The following TMEM114 variants were observed in gnomAD, a reference collection of about 807,000 sequenced individuals.
TMEM114 encodes transmembrane protein 114, also known as claudin-26.
TMEM114 carries 6 observed loss-of-function variants against 6.2 expected under a neutral mutation model. The ratio of observed to expected loss-of-function variants is 0.97; its 90% CI spans 0.53 to 1.91. TMEM114 has a LOEUF of 1.91. TMEM114 is among the 40% of genes most tolerant of loss of function. The probability of loss-of-function intolerance (pLI) is 0.01; values close to 1 mark genes in which losing one functional copy is unlikely to be tolerated. For missense variants in TMEM114, 218 were observed against 158.3 expected (o/e 1.38, Z -2.02); for synonymous variants, 104 against 73.0 (o/e 1.42, Z -2.16).
downstream of TMEM114, among the ~76,000 whole-genome samples, chr16:8,535,384 A>G (rs1900325652): frequency 6.6e-6 from 1 of 152,068 alleles, no homozygotes; most frequent in African/African-American, 2.4e-5. Context: ...ATCTCCAGGA[A>G]CCAGGGTACA....
chr16:8,575,307 G>A (rs1468409894), intron 2 of TMEM114, among the ~76,000 whole-genome samples: 1 of 152,170 alleles, frequency 6.6e-6, no homozygotes, highest in Non-Finnish European at 1.5e-5. Context: ...AGTGTCTGCT[G>A]TGAGTCTAGC....
At chr16:8,538,547 G>C (rs371855785) in intron 2 of TMEM114, among the ~76,000 whole-genome samples, 1 of 151,660 alleles carries the variant, frequency 6.6e-6, no homozygotes, top group Admixed American at 6.6e-5. Flanking sequence ...TTGCTCTGTC[G>C]CCCAGGCTGG....
chr16:8,535,719 C>T (rs1900336779), downstream of TMEM114, among the ~76,000 whole-genome samples: 2 of 152,262 alleles, frequency 1.3e-5, no homozygotes, highest in East Asian at 1.9e-4. Flanking sequence ...ATTTTGGTTC[C>T]TGCATAATTC....
intron 2 of TMEM114, among the ~76,000 whole-genome samples, chr16:8,546,782 C>G (rs1246933186): frequency 6.6e-6 from 1 of 152,224 alleles, no homozygotes; most frequent in Non-Finnish European, 1.5e-5. Flanking sequence ...CACACCAAGT[C>G]TTCTTTTTCT....
chr16:8,561,876 G>GCGAA (rs1454468877), intron 2 of TMEM114, among the ~76,000 whole-genome samples: 10 of 86,478 alleles, frequency 1.2e-4, no homozygotes, highest in African/African-American at 3.3e-4. Context: ...GAATGAGTGA[G>GCGAA]TGAATGAGTG....
downstream of TMEM114, among the ~76,000 whole-genome samples, chr16:8,535,401 C>A (rs1900326329): frequency 6.6e-6 from 1 of 151,760 alleles, no homozygotes. Context: ...TACAGAGCTT[C>A]ATCGGGATTT....
intron 2 of TMEM114, among the ~76,000 whole-genome samples, chr16:8,543,752 T>G (rs1273290216): frequency 6.6e-6 from 1 of 152,208 alleles, no homozygotes; most frequent in East Asian, 1.9e-4. Context: ...AGAATGTGAA[T>G]GTATCATTCA....
At chr16:8,566,690 A>G (rs999837221), downstream of TMEM114, among the ~76,000 whole-genome samples, 2 of 151,450 alleles carry the variant, frequency 1.3e-5, no homozygotes, top group African/African-American at 2.4e-5. Context: ...CTCTCCATCA[A>G]CCCTCCCTCT....
intron 2 of TMEM114, among the ~76,000 whole-genome samples, chr16:8,548,442 A>G (rs1181512592): frequency 3.3e-5 from 5 of 152,076 alleles, no homozygotes; most frequent in African/African-American, 1.2e-4. Context: ...ACAACCTTTT[A>G]TTATTATTAC....
downstream of TMEM114, among the ~76,000 whole-genome samples, chr16:8,568,622 G>A (rs1055805635): frequency 9.2e-5 from 14 of 152,214 alleles, no homozygotes; most frequent in African/African-American, 3.4e-4. Flanking sequence ...TGATAATCGT[G>A]TTGTCATCTT....
chr16:8,567,577 A>G (rs933182458), downstream of TMEM114, among the ~76,000 whole-genome samples: 1 of 152,160 alleles, frequency 6.6e-6, no homozygotes, highest in African/African-American at 2.4e-5. Flanking sequence ...TGCGAGGAGC[A>G]TCCCTGGCCT....
At chr16:8,561,856 G>GTGAGTGAATGAA (rs1901219964) in intron 2 of TMEM114, among the ~76,000 whole-genome samples, 1 of 27,068 alleles carries the variant, frequency 3.7e-5, no homozygotes, top group Admixed American at 3.7e-4. Flanking sequence ...GAATGAATGA[G>GTGAGTGAATGAA]TGAGTGAGGG....
At chr16:8,582,955 G>C (rs183647548) in intron 2 of TMEM114, among the ~76,000 whole-genome samples, 57 of 152,252 alleles carry the variant, frequency 3.7e-4, no homozygotes, top group African/African-American at 9.4e-4. Context: ...GAAAGGCAGG[G>C]AAAGGCAGGG....
At chr16:8,568,078 G>C (rs1901605199), downstream of TMEM114, among the ~76,000 whole-genome samples, 2 of 152,300 alleles carry the variant, frequency 1.3e-5, no homozygotes, top group East Asian at 1.9e-4. Context: ...CAGTTCTGAA[G>C]TTTACTCCCA....
the TMEM114 span, among the ~76,000 whole-genome samples, chr16:8,530,737 G>T: frequency 3.3e-5 from 5 of 151,960 alleles, no homozygotes; most frequent in African/African-American, 1.2e-4. Flanking sequence ...TGGAAAAGAA[G>T]GAGGGGCCGG....
chr16:8,559,854 C>T (rs1018402962), intron 2 of TMEM114, among the ~76,000 whole-genome samples: 1 of 152,134 alleles, frequency 6.6e-6, no homozygotes, highest in Non-Finnish European at 1.5e-5. Flanking sequence ...GACTGAGATC[C>T]CCATGGGGCT....
Position 8,563,747 on chromosome 16 carries a change from C to CAGTGAATAAGTGAGGGAATGAGTG in TMEM114, n.212+25442_212+25465dup, listed in dbSNP as rs1567203224. ...TGAGTCAGTGAGTGAATGAATGAGT[C>CAGTGAATAAGTGAGGGAATGAGTG]AGTGAATAAGTGAGGGAATGAGTGA... On this transcript the variant is annotated intron_variant and non_coding_transcript_variant, in intron 2 of 2. Transcript: ENST00000623677. Among the ~76,000 whole-genome samples the CAGTGAATAAGTGAGGGAATGAGTG allele has an allele frequency of 1.3e-4, 14 of 104,216 alleles. 1 individual carries two copies. The highest frequency in any genetic ancestry group is 4.3e-4 in the African/African-American group (12 of 27,946). 68.4% of individuals were successfully genotyped at this position (104,216 alleles called of 152,430 possible).
intron 2 of TMEM114, among the ~76,000 whole-genome samples, chr16:8,573,014 C>G (rs976739210): frequency 6.6e-6 from 1 of 152,330 alleles, no homozygotes; most frequent in East Asian, 1.9e-4. Flanking sequence ...GCCCCGTTCT[C>G]TACAAGAACA....
intron 2 of TMEM114, among the ~76,000 whole-genome samples, chr16:8,540,612 T>G (rs1172028896): frequency 7.1e-6 from 1 of 141,030 alleles, no homozygotes; most frequent in African/African-American, 2.8e-5. Flanking sequence ...ACAGGTGAAG[T>G]AGAATTCAAT....
Sources: allele counts gnomAD v4.1 joint callset (sites outside exome capture counted in the v4.1 genomes callset), GRCh38; gene constraint gnomAD v4.1.1; transcripts MANE v1.5; gene names NCBI Gene and HGNC (gene_info 2026-07-23, HGNC 2026-07-21).